The following DEGS2 variants were observed in gnomAD, a reference collection of about 807,000 sequenced individuals.
DEGS2 encodes the protein sphingolipid delta(4)-desaturase/C4-monooxygenase DES2.
DEGS2 carries 19 observed loss-of-function variants against 23.8 expected under a neutral mutation model. That is an observed-to-expected ratio of 0.80 (90% CI 0.56 to 1.17). DEGS2 has a LOEUF of 1.17. Ranked by LOEUF, DEGS2 falls within the 50% of genes most tolerant of loss-of-function variation. DEGS2 has a pLI of 0.00. For synonymous variants in DEGS2, 218 were observed against 213.7 expected, an observed-to-expected ratio of 1.02 and a Z score of -0.18; for missense variants, 390 against 459.5, an observed-to-expected ratio of 0.85 and a Z score of 1.38.
intron 2 of DEGS2, among the ~76,000 whole-genome samples, chr14:100,148,170 CAG>C (rs1205001194): frequency 6.6e-6 from 1 of 152,230 alleles, no homozygotes; most frequent in East Asian, 1.9e-4. Context: ...TAACCACACA[CAG>C]ATGCGTGTGC....
chr14:100,155,096 T>C (rs1328535333), intron 1 of DEGS2, among the ~76,000 whole-genome samples: 1 of 152,154 alleles, frequency 6.6e-6, no homozygotes, highest in East Asian at 1.9e-4. Flanking sequence ...ACTGGCCACA[T>C]GGGAGGTGCC....
the DEGS2 span, among the ~76,000 whole-genome samples, chr14:100,165,978 T>C: frequency 8.7e-4 from 30 of 34,406 alleles, no homozygotes; most frequent in Admixed American, 1.9e-3. Context: ...GGAGCCTGTC[T>C]GGGGGAGTAG....
the DEGS2 span, among the ~76,000 whole-genome samples, chr14:100,165,940 TCAGGGGAGCCTGC>T: frequency 1.5e-5 from 1 of 64,966 alleles, no homozygotes. Context: ...GCCCGGAGAG[TCAGGGGAGCCTGC>T]CTGGGAGAGT....
At chr14:100,150,387 A>G (rs866189225) in intron 1 of DEGS2, among the ~76,000 whole-genome samples, 1 of 92,320 alleles carries the variant, frequency 1.1e-5, no homozygotes, top group African/African-American at 4.6e-5. Flanking sequence ...CCACCCCAAC[A>G]CCCCCCCCCG....
chr14:100,164,284 A>T (rs1168632669), upstream of DEGS2, among the ~76,000 whole-genome samples: 1 of 151,972 alleles, frequency 6.6e-6, no homozygotes, highest in South Asian at 2.1e-4. Flanking sequence ...TTCTCTGGGG[A>T]TCACCCCTGG....
chr14:100,152,934 GGGAA>G (rs1277434462), intron 1 of DEGS2, among the ~76,000 whole-genome samples: 2 of 152,058 alleles, frequency 1.3e-5, no homozygotes, highest in Non-Finnish European at 2.9e-5. Context: ...GGGAGGGAAA[GGGAA>G]GGAAGGAAGA....
chr14:100,165,640 T>C, the DEGS2 span, among the ~76,000 whole-genome samples: 3 of 152,118 alleles, frequency 2.0e-5, no homozygotes, highest in African/African-American at 7.2e-5. Context: ...TGGACGCCTC[T>C]CCGCTCCGAA....
chr14:100,148,905 C>T (rs1217917231), intron 2 of DEGS2, 63 bp downstream of exon 2: 1 of 1,543,330 alleles, frequency 6.5e-7, no homozygotes, highest in African/African-American at 1.4e-5. Context: ...TTCCAGGGCC[C>T]CCACCTCCTC....
At chr14:100,160,689 G>A (rs1200050624), upstream of DEGS2, among the ~76,000 whole-genome samples, 3 of 152,346 alleles carry the variant, frequency 2.0e-5, no homozygotes, top group Admixed American at 6.5e-5. Flanking sequence ...CATAGTGAGG[G>A]CGTGCTTCTG....
rs1566740849 is a variant in DEGS2 at position 100,149,284 on chromosome 14, T to A, written c.509A>T (p.Tyr170Phe). ...LLWLVLQPFF[Y>F]SLRPLCVHPK... ...GTGGACGCAGAGCGGCCGTAGTGAG[T>A]AGAAGAAGGGCTGCAGCACCAGCCA... The change falls in exon 2 of 3, where the codon TAC (tyrosine) becomes TTC (phenylalanine). Residue 170 changes from tyrosine to phenylalanine, a missense_variant. Physicochemically the swap from Tyr to Phe is conservative, Grantham distance 22 (BLOSUM62 3). Transcript: ENST00000305631. The A allele has an allele frequency of 1.2e-6, 2 of 1,612,612 alleles. No individual in the cohort carries two copies. The highest frequency in any genetic ancestry group is 1.7e-6 in the Non-Finnish European group (2 of 1,179,842).
At chr14:100,147,666 C>A (rs1181045083) in intron 2 of DEGS2, among the ~76,000 whole-genome samples, 4 of 147,448 alleles carry the variant, frequency 2.7e-5, no homozygotes, top group Non-Finnish European at 4.6e-5. Flanking sequence ...CTGCCCCCCC[C>A]CCCCAGGATG....
In DEGS2 at chr14:100,149,658, C is replaced by T; in HGVS notation, c.135G>A (p.Trp45Ter). The change falls in exon 2 of 3, where the codon TGG becomes TGA. Residue 45 changes from tryptophan (W) to a stop codon, truncating the protein, a stop_gained. Coordinates refer to ENST00000305631, the MANE Select transcript of DEGS2 (RefSeq NM_206918.3). LOFTEE classifies it high-confidence loss of function. Reference sequence around the variant, plus strand: ...GCACCAGCACCAGCACCAGCACCGCCCACTTGAGGCGCGGGTCTGGCCGCA... The same window carrying T: ...GCACCAGCACCAGCACCAGCACCGCTCACTTGAGGCGCGGGTCTGGCCGCA... Reference protein sequence around the residue: ...ALMRPDPRLKWAVLVLVLVQM... With the variant: ...ALMRPDPRLK The T allele has an allele frequency of 1.2e-6, 2 of 1,611,802 alleles. No homozygotes were observed. Among genetic ancestry groups the T allele is most frequent in the Non-Finnish European group, 1.7e-6 (2 of 1,179,416 alleles).
chr14:100,155,647 A>T (rs571639415), intron 1 of DEGS2: 1 of 152,278 alleles, frequency 6.6e-6, no homozygotes, highest in Non-Finnish European at 1.5e-5. Context: ...GAGCCCCAGG[A>T]TCCCCTTGTG....
chr14:100,154,845 G>A (rs1009237399), intron 1 of DEGS2, among the ~76,000 whole-genome samples: 4 of 152,058 alleles, frequency 2.6e-5, no homozygotes, highest in Non-Finnish European at 5.9e-5. Flanking sequence ...CAGAGACAGG[G>A]CCCCCCCACG....
At chr14:100,165,961 A>G in the DEGS2 span, among the ~76,000 whole-genome samples, 4 of 46,706 alleles carry the variant, frequency 8.6e-5, no homozygotes, top group Admixed American at 2.6e-4. Flanking sequence ...TGCCTGGGAG[A>G]GTGGGGGGAG....
chr14:100,163,742 A>G (rs1404290725), upstream of DEGS2, among the ~76,000 whole-genome samples: 2 of 152,200 alleles, frequency 1.3e-5, no homozygotes, highest in Non-Finnish European at 2.9e-5. Context: ...CTTTTTAAAG[A>G]TAGGATCTCA....
At chr14:100,152,350 G>A (rs1387794519) in intron 1 of DEGS2, among the ~76,000 whole-genome samples, 1 of 152,136 alleles carries the variant, frequency 6.6e-6, no homozygotes, top group African/African-American at 2.4e-5. Flanking sequence ...ACTGGAGCTG[G>A]GTGCCAAGGG....
chr14:100,162,957 G>A (rs1889766806), upstream of DEGS2, among the ~76,000 whole-genome samples: 1 of 152,246 alleles, frequency 6.6e-6, no homozygotes, highest in African/African-American at 2.4e-5. Context: ...CCAGGAGCCA[G>A]CAAGGAGTCA....
intron 2 of DEGS2, 121 bp downstream of exon 2, chr14:100,148,847 C>T (rs1395536051): frequency 1.7e-6 from 2 of 1,201,950 alleles, no homozygotes; most frequent in Non-Finnish European, 2.3e-6. Flanking sequence ...GTGGCCATGC[C>T]ATGACTAGCA....
Sources: allele counts gnomAD v4.1 joint callset (sites outside exome capture counted in the v4.1 genomes callset), GRCh38; gene constraint gnomAD v4.1.1; transcripts MANE v1.5; gene names NCBI Gene and HGNC (gene_info 2026-07-23, HGNC 2026-07-21).